Variants in WDR75 observed in about 807,000 individuals in gnomAD.
The protein encoded by WDR75 is WD repeat domain 75, also known as WD repeat-containing protein 75.
A neutral mutation model predicts 106.1 loss-of-function variants in WDR75; 52 were observed. The ratio of observed to expected loss-of-function variants is 0.49; its 90% CI spans 0.39 to 0.62. WDR75 has a LOEUF of 0.62. WDR75 is among the 20% of genes least tolerant of loss of function. The probability of loss-of-function intolerance (pLI) is 0.00; values close to 1 mark genes in which losing one functional copy is unlikely to be tolerated. For synonymous variants in WDR75, 333 were observed against 335.5 expected (o/e 0.99, Z 0.08); for missense variants, 905 against 970.3 (o/e 0.93, Z 0.89).
intron 1 of WDR75, among the ~76,000 whole-genome samples, chr2:189,442,843 CAAA>C (rs34964533): frequency 6.7e-6 from 1 of 148,432 alleles, no homozygotes. Context: ...CCTTAGAAGC[CAAA>C]AAAAAATGAG....
Position 189,470,862 on chromosome 2 carries a change from C to T in WDR75, c.2033C>T (p.Thr678Ile). 6.2e-7 allele frequency: 1 copy of T among 1,601,766 alleles called. No individual in the cohort carries two copies. The highest frequency in any genetic ancestry group is 8.5e-7 in the Non-Finnish European group (1 of 1,175,296). ...FSTKSPEEKLTPTSKQLLAEE... is the reference protein window; with the variant it reads ...FSTKSPEEKLIPTSKQLLAEE... Reference sequence around the variant, plus strand: ...ACAAAGTCTCCAGAAGAAAAACTCACACCAACAAGCAAACAGGTATGTTTT... The same window carrying T: ...ACAAAGTCTCCAGAAGAAAAACTCATACCAACAAGCAAACAGGTATGTTTT... Residue 678 changes from threonine to isoleucine, a missense_variant, in exon 18 of 21, where the codon ACA becomes ATA. Coordinates refer to ENST00000314761, the MANE Select transcript of WDR75 (RefSeq NM_032168.3).
chr2:189,445,871 TAGC>T (rs1220852931), intron 1 of WDR75, among the ~76,000 whole-genome samples: 1 of 152,240 alleles, frequency 6.6e-6, no homozygotes, highest in Non-Finnish European at 1.5e-5. Flanking sequence ...TCTATGTAGA[TAGC>T]AGAGAGTGCA....
intron 8 of WDR75, among the ~76,000 whole-genome samples, chr2:189,460,931 AAG>A (rs1686868337): frequency 6.6e-6 from 1 of 152,356 alleles, no homozygotes; most frequent in Middle Eastern, 3.4e-3. Flanking sequence ...TTATTAGAAA[AAG>A]AAAAAATAGC....
intron 12 of WDR75, among the ~76,000 whole-genome samples, chr2:189,465,828 CT>C (rs1686987661): frequency 6.6e-6 from 1 of 152,148 alleles, no homozygotes; most frequent in Non-Finnish European, 1.5e-5. Flanking sequence ...TCCCTAGTCA[CT>C]GTTGTTATAA....
chr2:189,473,216 CA>C (rs964996582), intron 18 of WDR75, among the ~76,000 whole-genome samples: 10 of 142,126 alleles, frequency 7.0e-5, no homozygotes, highest in Non-Finnish European at 6.1e-5. Context: ...GACTCCATCT[CA>C]AAAAAAAAAA....
chr2:189,457,777 A>G (rs1164179778), intron 6 of WDR75, among the ~76,000 whole-genome samples: 1 of 152,198 alleles, frequency 6.6e-6, no homozygotes, highest in Admixed American at 6.5e-5. Context: ...CCTCAATTTA[A>G]AACATATTTA....
intron 4 of WDR75, among the ~76,000 whole-genome samples, chr2:189,452,225 C>T (rs550892174): frequency 1.6e-4 from 25 of 152,246 alleles, no homozygotes; most frequent in African/African-American, 4.6e-4. Flanking sequence ...TCATTGAACA[C>T]TTCTCACTTT....
chr2:189,460,424 C>T (rs73978633), intron 8 of WDR75, among the ~76,000 whole-genome samples: 7,687 of 152,076 alleles, frequency 0.051, 242 homozygotes, highest in African/African-American at 0.081. Flanking sequence ...TTTGTATTCT[C>T]TACCCTCCTT....
intron 19 of WDR75, 39 bp from the exon 20 acceptor site, chr2:189,474,678 A>G (rs781475373): frequency 6.4e-7 from 1 of 1,560,040 alleles, no homozygotes; most frequent in Non-Finnish European, 8.8e-7. Flanking sequence ...GTGGAGGATA[A>G]GCTTTTTAAT....
chr2:189,443,402 T>C (rs1574184453), intron 1 of WDR75, among the ~76,000 whole-genome samples: 1 of 151,626 alleles, frequency 6.6e-6, no homozygotes, highest in Non-Finnish European at 1.5e-5. Flanking sequence ...TTAAGGGAGG[T>C]AGTGGGAAAT....
At chr2:189,455,658 T>C in intron 5 of WDR75, 1 of 450,132 alleles carries the variant, frequency 2.2e-6, no homozygotes. Context: ...CCTATTGCCT[T>C]TGTAAACTCT....
intron 8 of WDR75, among the ~76,000 whole-genome samples, chr2:189,460,181 T>C (rs1235853753): frequency 6.6e-6 from 1 of 152,318 alleles, no homozygotes; most frequent in East Asian, 1.9e-4. Context: ...AGTTACTACA[T>C]ACTAGAGAAG....
At chr2:189,449,392 G>A (rs1273768396) in intron 2 of WDR75, 1 of 1,279,730 alleles carries the variant, frequency 7.8e-7, no homozygotes, top group Non-Finnish European at 1.0e-6. Context: ...TTTTCTACGG[G>A]ATCCAAGTAC....
intron 5 of WDR75, 59 bp from the exon 6 acceptor site, chr2:189,457,252 G>C (rs1039744523): frequency 1.0e-5 from 11 of 1,051,624 alleles, no homozygotes; most frequent in Admixed American, 2.4e-5. Context: ...AAAAAAAAAA[G>C]AAAAAAAAAA....
At position 189,463,965 on chromosome 2, in the gene WDR75, A is replaced by C. The variant is rs531647469; in HGVS notation, c.1113+4A>C. 1 of 1,609,844 alleles carries C rather than the reference A, an allele frequency of 6.2e-7. No individual in the cohort carries two copies. Among genetic ancestry groups the C allele is most frequent in the South Asian group, 1.1e-5 (1 of 90,704 alleles). ...GAGTGATAAACAGTTATACAATGTAAGATTTTGATCATTAGCCTTGAAATT... is the reference window on the plus strand; with the variant it reads ...GAGTGATAAACAGTTATACAATGTACGATTTTGATCATTAGCCTTGAAATT... On this transcript the variant is annotated splice_donor_region_variant and intron_variant, in intron 11 of 20. Transcript: ENST00000314761.
rs770928196 is a variant in WDR75, at chr2:189,462,580, C to T, written c.875C>T (p.Thr292Ile). ...NKEFLPRLGA[T>I]IEHISVSPAG... ...GAGTTTCTCCCGCGTTTAGGAGCTA[C>T]TATTGAACATATCTCAGTCTCGCCT... Residue 292 changes from threonine (T) to isoleucine (I), a missense_variant, in exon 9 of 21, where the codon ACT becomes ATT. Transcript: ENST00000314761. The T allele has an allele frequency of 6.2e-7, 1 of 1,614,060 alleles. No individual in the cohort carries two copies.
chr2:189,470,901 A>C, intron 18 of WDR75, 23 bp downstream of exon 18: 1 of 1,569,004 alleles, frequency 6.4e-7, no homozygotes, highest in Non-Finnish European at 8.6e-7. Context: ...CATTCATAGC[A>C]GGATGTATTG....
At chr2:189,442,820 CTT>C (rs1358307205) in intron 1 of WDR75, among the ~76,000 whole-genome samples, 1 of 151,902 alleles carries the variant, frequency 6.6e-6, no homozygotes, top group Non-Finnish European at 1.5e-5. Flanking sequence ...ACTGAAAGAG[CTT>C]TTATAAATTG....
In WDR75 at chr2:189,453,541, G is replaced by A. The variant is rs553000958; in HGVS notation, c.373+1646G>A. Among the ~76,000 whole-genome samples, 10 of 152,312 alleles carry A rather than the reference G, an allele frequency of 6.6e-5. No individual in the cohort carries two copies. The South Asian group carries it at 1.9e-3, about 28-fold the overall frequency. ...TAGTTTACTGAAAAATTTCTCAGTT[G>A]TGTCTAATATGCAAGACAGGATGGA... On this transcript the variant is annotated intron_variant, in intron 4 of 20. Transcript: ENST00000314761.
Sources: gnomAD v4.1 joint callset for allele counts (sites outside exome capture counted in the v4.1 genomes callset) on GRCh38, gnomAD v4.1.1 for gene constraint, MANE v1.5 for transcripts, NCBI Gene and HGNC (gene_info 2026-07-23, HGNC 2026-07-21) for gene names.